GLDC: variants seen among roughly 807,000 people sequenced by gnomAD.
GLDC encodes glycine dehydrogenase (decarboxylating), mitochondrial.
A neutral mutation model predicts 121.3 loss-of-function variants in GLDC; 104 were observed. The ratio of observed to expected loss-of-function variants is 0.86; its 90% confidence interval spans 0.73 to 1.01. The LOEUF (loss-of-function observed/expected upper bound fraction) is 1.01. GLDC is among the 50% of genes least tolerant of loss of function. GLDC has a pLI of 0.00. For missense variants in GLDC, 1,429 were observed against 1,306.6 expected, an observed-to-expected ratio of 1.09 and a Z score of -1.44; for synonymous variants, 546 against 480.6, an observed-to-expected ratio of 1.14 and a Z score of -1.78.
intron 8 of GLDC, among the ~76,000 whole-genome samples, chr9:6,600,164 G>C (rs1355991971): frequency 1.3e-5 from 2 of 152,136 alleles, no homozygotes; most frequent in African/African-American, 4.8e-5. Flanking sequence ...AGGAATTTGA[G>C]ACCAACCTGA....
chr9:6,541,002 G>A (rs1248119211), intron 21 of GLDC: 3 of 152,162 alleles, frequency 2.0e-5, no homozygotes, highest in African/African-American at 7.2e-5. Flanking sequence ...ACTAAAAATA[G>A]AATCACCTGA....
At chr9:6,622,386 C>T (rs1297767383) in intron 2 of GLDC, among the ~76,000 whole-genome samples, 2 of 146,820 alleles carry the variant, frequency 1.4e-5, no homozygotes, top group African/African-American at 2.6e-5. Context: ...CGATTGCAGG[C>T]ACGCGCCGCC....
intron 15 of GLDC, among the ~76,000 whole-genome samples, chr9:6,581,862 G>A (rs1818175892): frequency 6.6e-6 from 1 of 152,132 alleles, no homozygotes; most frequent in Non-Finnish European, 1.5e-5. Context: ...ACTGTAAACA[G>A]TGAAAAGGAA....
At chr9:6,640,763 C>G (rs769120711) in intron 2 of GLDC, among the ~76,000 whole-genome samples, 11 of 152,210 alleles carry the variant, frequency 7.2e-5, no homozygotes, top group Non-Finnish European at 1.6e-4. Flanking sequence ...AAAGACTACA[C>G]AGCGAGGCAT....
In GLDC at chr9:6,645,309, G is replaced by A; in HGVS notation, c.191C>T (p.Ala64Val). 4 of 1,596,526 alleles carry A rather than the reference G, an allele frequency of 2.5e-6. No homozygotes were observed. Among genetic ancestry groups the A allele is most frequent in the Non-Finnish European group, 3.4e-6 (4 of 1,173,008 alleles). ...GTCCCCAGGGCCGATGTGCCTCCGA[G>A]CGAAGTCGTCGTGTCTGGGCAGAAG... Reference protein sequence around the residue: ...ERLLPRHDDFARRHIGPGDKD... With the variant: ...ERLLPRHDDFVRRHIGPGDKD... The change falls in exon 1 of 25, where the codon GCT (alanine) becomes GTT (valine). Residue 64 changes from alanine to valine, a missense_variant. Physicochemically the swap from Ala to Val is moderately conservative, Grantham distance 64. Coordinates refer to ENST00000321612, the MANE Select transcript of GLDC (RefSeq NM_000170.3).
At chr9:6,534,821 G>C (rs878965375) in intron 23 of GLDC, 33 bp from the exon 24 acceptor site, 1 of 1,158,402 alleles carries the variant, frequency 8.6e-7, no homozygotes, top group South Asian at 1.2e-5. Flanking sequence ...GGAGGGGTCA[G>C]AGCAATACAC....
chr9:6,628,984 G>A (rs1023150931), intron 2 of GLDC, among the ~76,000 whole-genome samples: 1 of 151,916 alleles, frequency 6.6e-6, no homozygotes, highest in Admixed American at 6.6e-5. Flanking sequence ...AGAGTTCAGT[G>A]GCCTCTAGGC....
At chr9:6,575,070 C>T (rs187752021) in intron 15 of GLDC, among the ~76,000 whole-genome samples, 619 of 151,984 alleles carry the variant, frequency 4.1e-3, no homozygotes, top group Middle Eastern at 6.8e-3. Flanking sequence ...GGTGTGGTGG[C>T]GGGCACCTGT....
intron 8 of GLDC, 36 bp from the exon 9 acceptor site, chr9:6,595,155 G>T: frequency 7.5e-7 from 1 of 1,342,112 alleles, no homozygotes; most frequent in Non-Finnish European, 1.1e-6. Context: ...TCACGTGATG[G>T]AGGACAATTA....
chr9:6,570,854 C>A (rs1243928416), intron 15 of GLDC, among the ~76,000 whole-genome samples: 1,742 of 98,688 alleles, frequency 0.018, no homozygotes, highest in East Asian at 0.041. Flanking sequence ...AACTCTGTCT[C>A]AAAAAAAAAA....
intron 23 of GLDC, 52 bp downstream of exon 23, chr9:6,536,012 A>G: frequency 1.4e-6 from 2 of 1,471,594 alleles, no homozygotes; most frequent in South Asian, 1.1e-5. Context: ...CTGTCCAGAC[A>G]TCATTTTCTA....
intron 7 of GLDC, 83 bp from the exon 8 acceptor site, chr9:6,602,288 C>T: frequency 1.1e-6 from 1 of 898,396 alleles, no homozygotes; most frequent in East Asian, 2.5e-5. Flanking sequence ...TCTTTCCTTC[C>T]CAGCTTGAAG....
rs141112147 is a variant in GLDC at position 6,569,557 on chromosome 9, C to T, written c.1851-4128G>A. On this transcript the variant is annotated intron_variant, in intron 15 of 24. Coordinates refer to ENST00000321612, the MANE Select transcript of GLDC (RefSeq NM_000170.3). Reference sequence around the variant, plus strand: ...GTCCCAGGTACTCAGGGAGCTGAGGCGGGAGAATTGCTTGAACCCGGGAGG... The same window carrying T: ...GTCCCAGGTACTCAGGGAGCTGAGGTGGGAGAATTGCTTGAACCCGGGAGG... 4.4e-3 allele frequency among the ~76,000 whole-genome samples: 664 copies of T among 152,056 alleles called. 3 individuals are homozygous for T. Among genetic ancestry groups the T allele is most frequent in the African/African-American group, 0.015 (603 of 41,466 alleles).
At chr9:6,568,053 G>A (rs1817885413) in intron 15 of GLDC, among the ~76,000 whole-genome samples, 1 of 152,134 alleles carries the variant, frequency 6.6e-6, no homozygotes, top group African/African-American at 2.4e-5. Context: ...TTTTTCTCAT[G>A]AATTCTATTC....
intron 15 of GLDC, among the ~76,000 whole-genome samples, chr9:6,577,966 G>A (rs778903326): frequency 6.6e-6 from 1 of 151,922 alleles, no homozygotes; most frequent in African/African-American, 2.4e-5. Context: ...CCAGGCTGGA[G>A]TGCAGCGGCA....
At chr9:6,620,368 A>T (rs778114491) in intron 2 of GLDC, 49 bp from the exon 3 acceptor site, 2 of 1,503,118 alleles carry the variant, frequency 1.3e-6, no homozygotes, top group Admixed American at 1.7e-5. Flanking sequence ...CTCAGAAAAG[A>T]GCTCTAATTA....
intron 5 of GLDC, among the ~76,000 whole-genome samples, chr9:6,605,571 T>C (rs1035362583): frequency 6.6e-6 from 1 of 152,226 alleles, no homozygotes; most frequent in Non-Finnish European, 1.5e-5. Flanking sequence ...CTAGGGCTAA[T>C]GAGCCAATAT....
At position 6,536,108 on chromosome 9, in the gene GLDC, C is replaced by G; in HGVS notation, c.2794G>C (p.Asp932His). 1 of 1,614,176 alleles carries G rather than the reference C, an allele frequency of 6.2e-7. No individual in the cohort carries two copies. Residue 932 changes from aspartate to histidine, a missense_variant, in exon 23 of 25, where the codon GAC (aspartate) becomes CAC (histidine). Physicochemically the swap from Asp to His is moderately conservative, Grantham distance 81 (BLOSUM62 -1). Transcript: ENST00000321612. ...GGGTCGATGCGGCCCTCCTCAATGT[C>G]AGCAATTTCCTGCCGAATGCTGATC... ...AMISIRQEIA[D>H]IEEGRIDPRV...
chr9:6,534,678 A>T (rs771452383), intron 24 of GLDC, 30 bp downstream of exon 24: 2 of 1,255,716 alleles, frequency 1.6e-6, no homozygotes, highest in Middle Eastern at 1.9e-4. Context: ...ATGCCTTCCC[A>T]GCTGGCACAT....
Sources: allele counts gnomAD v4.1 joint callset (sites outside exome capture counted in the v4.1 genomes callset), GRCh38; gene constraint gnomAD v4.1.1; transcripts MANE v1.5; gene names NCBI Gene and HGNC (gene_info 2026-07-23, HGNC 2026-07-21).